Variants in SND1 observed in about 807,000 individuals in gnomAD.
SND1 encodes the protein staphylococcal nuclease and tudor domain containing 1.
In SND1, 38 loss-of-function variants were observed where a neutral mutation model predicts 121.7. The ratio of observed to expected loss-of-function variants is 0.31; its 90% confidence interval spans 0.24 to 0.41. SND1 has a LOEUF of 0.41. Among genes scored for constraint, SND1 ranks in the 10% least tolerant of loss-of-function variants. SND1 has a pLI of 1.00. For missense variants in SND1, 868 were observed against 1,184.6 expected (o/e 0.73, Z 3.92); for synonymous variants, 401 against 447.4 (o/e 0.90, Z 1.31).
In SND1 at chr7:128,015,437, C is replaced by G. The variant is rs1438510069; in HGVS notation, c.1779+24381C>G. On this transcript the variant is annotated intron_variant, in intron 16 of 23. Transcript: ENST00000354725. The surrounding 1 kb of genome is among the most constrained non-coding windows in gnomAD (Gnocchi z 4.5). ...GCCTTAATCCCACCCACTTTGCTCC[C>G]TAAGTATTTATAGGAGCTGAGAGTC... Among the ~76,000 whole-genome samples the G allele has an allele frequency of 6.6e-6, 1 of 151,004 alleles. No individual in the cohort carries two copies. Among genetic ancestry groups the G allele is most frequent in the Non-Finnish European group, 1.5e-5 (1 of 68,026 alleles).
At chr7:128,059,724 G>T (rs1449800039) in intron 16 of SND1, among the ~76,000 whole-genome samples, 1 of 152,142 alleles carries the variant, frequency 6.6e-6, no homozygotes, top group African/African-American at 2.4e-5. Flanking sequence ...TCTGCTGTTT[G>T]TCTGGCCTTG....
chr7:127,760,913 C>T (rs555765515), intron 10 of SND1, among the ~76,000 whole-genome samples: 9 of 152,268 alleles, frequency 5.9e-5, no homozygotes, highest in South Asian at 2.1e-4. Flanking sequence ...ATATTGTAAT[C>T]GCAAACTGTA....
In SND1 at chr7:127,713,960, G is replaced by A. The variant is rs182189673; in HGVS notation, c.1038+6313G>A. On this transcript the variant is annotated intron_variant, in intron 9 of 23. Coordinates refer to ENST00000354725, the MANE Select transcript of SND1 (RefSeq NM_014390.4). ...GTTCCCTCCCTGCCTTCCCTGTGGC[G>A]TTTTAGCTGATCTGTGCTGTTTGTA... Among the ~76,000 whole-genome samples, 196 of 152,170 alleles carry A rather than the reference G, an allele frequency of 1.3e-3. 1 individual carries two copies. Among genetic ancestry groups the A allele is most frequent in the African/African-American group, 3.6e-3 (148 of 41,528 alleles).
chr7:127,751,587 T>C (rs529852050), intron 10 of SND1, among the ~76,000 whole-genome samples: 6 of 152,336 alleles, frequency 3.9e-5, no homozygotes, highest in African/African-American at 1.4e-4. Context: ...ATAGCCTTCA[T>C]TTGGCCTAGG....
At chr7:128,031,264 G>A (rs1184955354) in intron 16 of SND1, among the ~76,000 whole-genome samples, 6 of 151,982 alleles carry the variant, frequency 3.9e-5, no homozygotes, top group African/African-American at 9.7e-5. Context: ...CGCTCCAGCC[G>A]CGGGGGAAGG....
intron 17 of SND1, among the ~76,000 whole-genome samples, chr7:128,079,544 A>G (rs1793562696): frequency 6.6e-6 from 1 of 152,260 alleles, no homozygotes; most frequent in African/African-American, 2.4e-5. Flanking sequence ...CCACAAGCCC[A>G]GCCATAGAAG....
chr7:127,929,217 T>C lies in SND1; in HGVS notation c.1557T>C (p.Pro519=). 6.2e-7 allele frequency: 1 copy of C among 1,614,072 alleles called. No homozygotes were observed. The highest frequency in any genetic ancestry group is 8.5e-7 in the Non-Finnish European group (1 of 1,179,928). Residue 519 remains proline (P), a synonymous_variant, in exon 15 of 24, where the codon CCT becomes CCC. Coordinates refer to ENST00000354725, the MANE Select transcript of SND1 (RefSeq NM_014390.4). ...GDTQKAKQFL[P]FLQRAGRSEA... Reference sequence around the variant, plus strand: ...CCCAAAAAGCAAAGCAGTTCCTGCCTTTTCTTCAGCGGGCAGGTCGTTCTG... The same window carrying C: ...CCCAAAAAGCAAAGCAGTTCCTGCCCTTTCTTCAGCGGGCAGGTCGTTCTG...
At chr7:127,865,852 T>G (rs1189449454) in intron 12 of SND1, among the ~76,000 whole-genome samples, 1 of 152,012 alleles carries the variant, frequency 6.6e-6, no homozygotes, top group African/African-American at 2.4e-5. Context: ...TTATGTGGTA[T>G]TTTGTTAAAT....
At position 128,029,190 on chromosome 7, in the gene SND1, T is replaced by C. The variant is rs561511542; in HGVS notation, c.1779+38134T>C. On this transcript the variant is annotated intron_variant, in intron 16 of 23. Transcript: ENST00000354725. The surrounding 1 kb of genome is among the most constrained non-coding windows in gnomAD (Gnocchi z 4.2). ...CGTGGTAGAGGTGGTATATGCCGGC[T>C]GGTAACCAGTGGACGTGGTAGGAAC... 2.7e-5 allele frequency: 43 copies of C among 1,614,164 alleles called. No individual in the cohort carries two copies. The African/African-American group carries it at 5.3e-4, about 20-fold the overall frequency.
intron 1 of SND1, among the ~76,000 whole-genome samples, chr7:127,655,869 A>G (rs1042082985): frequency 1.3e-5 from 2 of 152,162 alleles, no homozygotes; most frequent in East Asian, 1.9e-4. Context: ...AGCATTCGCA[A>G]CAGCAGAATG....
chr7:127,875,994 C>T (rs1799682292), intron 12 of SND1, among the ~76,000 whole-genome samples: 1 of 152,078 alleles, frequency 6.6e-6, no homozygotes, highest in Admixed American at 6.5e-5. Flanking sequence ...ATAATAGTCC[C>T]TATCTCATCA....
chr7:127,696,285 C>T (rs1416436832), intron 3 of SND1, among the ~76,000 whole-genome samples: 1 of 152,110 alleles, frequency 6.6e-6, no homozygotes, highest in African/African-American at 2.4e-5. Flanking sequence ...ACCTTTGAGG[C>T]ATCTTGTTCG....
chr7:127,851,699 A>G (rs1018823115), intron 12 of SND1, among the ~76,000 whole-genome samples: 3 of 152,196 alleles, frequency 2.0e-5, no homozygotes, highest in Non-Finnish European at 2.9e-5. Context: ...ATGCTTATAA[A>G]ATTTACAGAC....
chr7:127,945,807 C>T (rs1801317079), intron 15 of SND1, among the ~76,000 whole-genome samples: 1 of 152,170 alleles, frequency 6.6e-6, no homozygotes, highest in African/African-American at 2.4e-5. Flanking sequence ...CTCATTTGAT[C>T]CTTACCCACA....
intron 3 of SND1, among the ~76,000 whole-genome samples, chr7:127,695,687 G>A (rs1029227038): frequency 1.3e-5 from 2 of 152,136 alleles, no homozygotes; most frequent in African/African-American, 2.4e-5. Context: ...TTAGCCAGGC[G>A]TGGTGGCGCA....
At chr7:127,787,044 C>T (rs1431100220) in intron 10 of SND1, among the ~76,000 whole-genome samples, 4 of 152,144 alleles carry the variant, frequency 2.6e-5, no homozygotes, top group African/African-American at 9.7e-5. Flanking sequence ...TTTTTAGTGG[C>T]TCTCTGAATA....
At chr7:127,946,729 T>G (rs1801338243) in intron 15 of SND1, among the ~76,000 whole-genome samples, 1 of 152,212 alleles carries the variant, frequency 6.6e-6, no homozygotes, top group South Asian at 2.1e-4. Context: ...CGAGTAAGTG[T>G]CCCAGGAGAT....
Position 128,015,295 on chromosome 7 carries a change from A to C in SND1, c.1779+24239A>C, listed in dbSNP as rs1425509121. Among the ~76,000 whole-genome samples, 1 of 152,226 alleles carries C rather than the reference A, an allele frequency of 6.6e-6. No individual in the cohort carries two copies. Among genetic ancestry groups the C allele is most frequent in the African/African-American group, 2.4e-5 (1 of 41,454 alleles). Reference sequence around the variant, plus strand: ...TAGTTCATGTTCTGGCATATTAATCAGGGTGACATGATAAAAAGAATTTAT... The same window carrying C: ...TAGTTCATGTTCTGGCATATTAATCCGGGTGACATGATAAAAAGAATTTAT... On this transcript the variant is annotated intron_variant, in intron 16 of 23. Coordinates refer to ENST00000354725, the MANE Select transcript of SND1 (RefSeq NM_014390.4). The surrounding 1 kb of genome is among the most constrained non-coding windows in gnomAD (Gnocchi z 4.5).
intron 15 of SND1, among the ~76,000 whole-genome samples, chr7:127,944,152 C>T (rs528720175): frequency 1.3e-4 from 20 of 152,304 alleles, no homozygotes; most frequent in African/African-American, 4.8e-4. Context: ...TTGAAATACA[C>T]GGGAGCCCTT....
Sources: gnomAD v4.1 joint callset for allele counts (sites outside exome capture counted in the v4.1 genomes callset) on GRCh38, gnomAD v4.1.1 for gene constraint, Gnocchi (gnomAD v3.1) non-coding constraint, MANE v1.5 for transcripts, NCBI Gene and HGNC (gene_info 2026-07-23, HGNC 2026-07-21) for gene names.